The following ESRRG variants were observed in gnomAD, a reference collection of about 807,000 sequenced individuals.
The protein encoded by ESRRG is estrogen-related receptor gamma.
Under a neutral mutation model 44.0 loss-of-function variants are expected in ESRRG, and 13 were observed. The observed-to-expected ratio is 0.30, with a 90% confidence interval of 0.19 to 0.47. ESRRG has a LOEUF of 0.47. ESRRG is among the 20% of genes least tolerant of loss of function. The pLI is 1.00. For missense variants in ESRRG, 395 were observed against 580.6 expected, an observed-to-expected ratio of 0.68 and a Z score of 3.29; for synonymous variants, 215 against 214.6, an observed-to-expected ratio of 1.00 and a Z score of -0.02.
intron 2 of ESRRG, among the ~76,000 whole-genome samples, chr1:216,659,642 G>A (rs1367219686): frequency 1.3e-5 from 2 of 152,164 alleles, no homozygotes; most frequent in Non-Finnish European, 2.9e-5. Context: ...TTCCTAGAAA[G>A]CAGCATCCTT....
intron 2 of ESRRG, among the ~76,000 whole-genome samples, chr1:216,805,989 C>T (rs1234466431): frequency 6.6e-6 from 1 of 152,180 alleles, no homozygotes; most frequent in African/African-American, 2.4e-5. Flanking sequence ...CAGAGCCATC[C>T]TTTCTTTCCT....
chr1:216,777,909 G>A (rs1184271516), intron 2 of ESRRG, among the ~76,000 whole-genome samples: 1 of 152,050 alleles, frequency 6.6e-6, no homozygotes, highest in Non-Finnish European at 1.5e-5. Context: ...GACTTATGAA[G>A]ACAACCAGGC....
chr1:216,777,750 T>G (rs2093668075), intron 2 of ESRRG, among the ~76,000 whole-genome samples: 1 of 152,128 alleles, frequency 6.6e-6, no homozygotes. Flanking sequence ...CTCTCTTTCT[T>G]ATACACACAC....
chr1:216,648,402 A>T (rs79622798), intron 3 of ESRRG, among the ~76,000 whole-genome samples: 1,794 of 152,262 alleles, frequency 0.012, 39 homozygotes, highest in African/African-American at 0.041. Context: ...TTATTATTTG[A>T]GTATATCAGC....
intron 3 of ESRRG, among the ~76,000 whole-genome samples, chr1:216,617,231 G>A (rs1232183644): frequency 1.3e-5 from 2 of 152,112 alleles, no homozygotes; most frequent in East Asian, 3.9e-4. Flanking sequence ...AGTGGCTGAT[G>A]TTAACCAAAC....
chr1:216,887,549 T>C (rs2057196021), intron 2 of ESRRG, among the ~76,000 whole-genome samples: 1 of 152,218 alleles, frequency 6.6e-6, no homozygotes, highest in African/African-American at 2.4e-5. Flanking sequence ...AATTGTTCCT[T>C]AAAGTGATGA....
intron 2 of ESRRG, among the ~76,000 whole-genome samples, chr1:216,905,786 C>T (rs1007290327): frequency 1.3e-5 from 2 of 152,138 alleles, no homozygotes; most frequent in African/African-American, 4.8e-5. Flanking sequence ...CTTTGTCACC[C>T]AGGCTTGAGT....
intron 1 of ESRRG, among the ~76,000 whole-genome samples, chr1:216,968,956 C>T (rs903890778): frequency 6.6e-6 from 1 of 151,974 alleles, no homozygotes; most frequent in Non-Finnish European, 1.5e-5. Flanking sequence ...AAGTGTTTTA[C>T]TTTTTGGGGT....
intron 3 of ESRRG, among the ~76,000 whole-genome samples, chr1:216,603,459 GA>G (rs2059507936): frequency 6.6e-6 from 1 of 152,082 alleles, no homozygotes; most frequent in East Asian, 1.9e-4. Context: ...ATCCTCACCA[GA>G]AAAAAAGACA....
chr1:216,640,460 T>C (rs2066169461), intron 3 of ESRRG, among the ~76,000 whole-genome samples: 1 of 149,496 alleles, frequency 6.7e-6, no homozygotes, highest in African/African-American at 2.5e-5. Context: ...GGGAAGCTGG[T>C]TGGTGGCTCC....
At chr1:216,820,207 C>A (rs756650887) in intron 2 of ESRRG, among the ~76,000 whole-genome samples, 1 of 152,170 alleles carries the variant, frequency 6.6e-6, no homozygotes, top group African/African-American at 2.4e-5. Context: ...TCAACACTCA[C>A]AATACATAAT....
At chr1:217,068,987 T>C (rs990332078) in intron 1 of ESRRG, among the ~76,000 whole-genome samples, 4 of 152,212 alleles carry the variant, frequency 2.6e-5, no homozygotes, top group African/African-American at 9.6e-5. Context: ...ATTACACCTA[T>C]GATGGTTAAT....
intron 2 of ESRRG, among the ~76,000 whole-genome samples, chr1:216,907,572 G>A (rs2059825505): frequency 6.6e-6 from 1 of 152,170 alleles, no homozygotes; most frequent in Non-Finnish European, 1.5e-5. Context: ...CCTCGCTGAA[G>A]AGCCAAGGAA....
At chr1:216,522,444 A>T (rs955794827) in intron 5 of ESRRG, among the ~76,000 whole-genome samples, 2 of 119,756 alleles carry the variant, frequency 1.7e-5, no homozygotes, top group Non-Finnish European at 3.3e-5. Flanking sequence ...TAAAAGTCTG[A>T]ACTTCTTCTA....
At chr1:216,889,781 A>G (rs1395608725) in intron 2 of ESRRG, among the ~76,000 whole-genome samples, 3 of 152,202 alleles carry the variant, frequency 2.0e-5, no homozygotes, top group African/African-American at 4.8e-5. Flanking sequence ...TTCTCAATAA[A>G]TCAAGTGACT....
intron 3 of ESRRG, among the ~76,000 whole-genome samples, chr1:216,575,275 C>T (rs988005013): frequency 1.3e-5 from 2 of 151,986 alleles, no homozygotes; most frequent in Non-Finnish European, 2.9e-5. Flanking sequence ...ATTAAAGAAA[C>T]CAAACAGTAG....
intron 5 of ESRRG, among the ~76,000 whole-genome samples, chr1:216,561,615 C>A (rs2058752177): frequency 6.6e-6 from 1 of 152,148 alleles, no homozygotes; most frequent in African/African-American, 2.4e-5. Context: ...TACTGACCAA[C>A]CTCCTGAACC....
chr1:216,737,136 T>A (rs1431926161), intron 2 of ESRRG, among the ~76,000 whole-genome samples: 2 of 152,214 alleles, frequency 1.3e-5, no homozygotes, highest in African/African-American at 4.8e-5. Flanking sequence ...CTTGGACTTT[T>A]AAAAACTCTA....
chr1:216,658,896 A>AAGAGAAGAGG (rs1045757952), intron 2 of ESRRG, among the ~76,000 whole-genome samples: 13 of 150,248 alleles, frequency 8.7e-5, no homozygotes, highest in African/African-American at 3.0e-4. Flanking sequence ...AAGAGAAGAG[A>AAGAGAAGAGG]AGAGAAGAGA....
Sources: allele counts gnomAD v4.1 joint callset (sites outside exome capture counted in the v4.1 genomes callset), GRCh38; gene constraint gnomAD v4.1.1; transcripts MANE v1.5; gene names NCBI Gene and HGNC (gene_info 2026-07-23, HGNC 2026-07-21).